The following FRMPD1 variants were observed in gnomAD, a reference collection of about 807,000 sequenced individuals.
FRMPD1 encodes the protein FERM and PDZ domain-containing protein 1.
In FRMPD1, 76 loss-of-function variants were observed where a neutral mutation model predicts 117.8. The ratio of observed to expected loss-of-function variants is 0.65; its 90% CI spans 0.54 to 0.78. The LOEUF (loss-of-function observed/expected upper bound fraction) is 0.78, where lower values mean the gene tolerates loss of function less well. Among genes scored for constraint, FRMPD1 ranks in the 30% least tolerant of loss-of-function variants. The pLI, the probability that FRMPD1 is intolerant of heterozygous loss-of-function variation, is 0.00. For missense variants in FRMPD1, 1,786 were observed against 1,964.5 expected, an observed-to-expected ratio of 0.91 and a Z score of 1.72; for synonymous variants, 783 against 770.4, an observed-to-expected ratio of 1.02 and a Z score of -0.27.
chr9:37,738,316 G>A (rs887736455), intron 14 of FRMPD1, among the ~76,000 whole-genome samples: 23 of 140,076 alleles, frequency 1.6e-4, no homozygotes, highest in African/African-American at 5.6e-4. Context: ...AAAGTGATGA[G>A]TTTGGAGTAT....
chr9:37,704,742 GT>G (rs2118127119), intron 2 of FRMPD1, among the ~76,000 whole-genome samples: 1 of 151,716 alleles, frequency 6.6e-6, no homozygotes, highest in East Asian at 1.9e-4. Flanking sequence ...CGTTATTGCT[GT>G]GATTACCATC....
At chr9:37,648,539 C>T (rs1224756393), upstream of FRMPD1, among the ~76,000 whole-genome samples, 3 of 152,004 alleles carry the variant, frequency 2.0e-5, no homozygotes, top group Non-Finnish European at 4.4e-5. Context: ...AGACTGGAGG[C>T]GGTTACTACA....
At chr9:37,686,800 T>C (rs957024292) in intron 1 of FRMPD1, among the ~76,000 whole-genome samples, 1 of 152,250 alleles carries the variant, frequency 6.6e-6, no homozygotes, top group Non-Finnish European at 1.5e-5. Flanking sequence ...CCTTCAGTCC[T>C]ATGGATATGT....
chr9:37,623,152 G>C, the FRMPD1 span, among the ~76,000 whole-genome samples: 1 of 152,244 alleles, frequency 6.6e-6, no homozygotes, highest in African/African-American at 2.4e-5. Context: ...GTTAGGTGCT[G>C]AGGGGATGCT....
chr9:37,716,865 C>A (rs1193635170), intron 5 of FRMPD1, among the ~76,000 whole-genome samples: 1 of 152,070 alleles, frequency 6.6e-6, no homozygotes, highest in Non-Finnish European at 1.5e-5. Flanking sequence ...TTGACCTTGC[C>A]CCCCAAATTC....
chr9:37,639,238 A>T, the FRMPD1 span, among the ~76,000 whole-genome samples: 1 of 152,212 alleles, frequency 6.6e-6, no homozygotes, highest in South Asian at 2.1e-4. Flanking sequence ...TGCACAAAAA[A>T]AGTGCTTGCT....
At chr9:37,728,404 T>G (rs562963063) in intron 7 of FRMPD1, among the ~76,000 whole-genome samples, 3 of 152,196 alleles carry the variant, frequency 2.0e-5, no homozygotes, top group Admixed American at 2.0e-4. Flanking sequence ...AGAGGTGACA[T>G]TTGGACTGAA....
rs188598232 is a variant in FRMPD1 at position 37,741,223 on chromosome 9, C to T, written c.2356+339C>T. Among the ~76,000 whole-genome samples the T allele has an allele frequency of 8.6e-5, 13 of 152,008 alleles. No individual in the cohort carries two copies. The East Asian group carries it at 2.5e-3, about 30-fold the overall frequency. ...GGCTTGACAGGAGTGCCCGGCAGAG[C>T]GAAGTGGCTATGTCATCACTGATCC... On this transcript the variant is annotated intron_variant, in intron 15 of 15. Coordinates refer to ENST00000377765, the MANE Select transcript of FRMPD1 (RefSeq NM_014907.3).
chr9:37,664,460 C>T lies in FRMPD1; in HGVS notation c.-5+13366C>T, dbSNP rs574946348. Among the ~76,000 whole-genome samples, 9 of 152,204 alleles carry T rather than the reference C, an allele frequency of 5.9e-5. No homozygotes were observed. The South Asian group carries it at 1.9e-3, about 32-fold the overall frequency. On this transcript the variant is annotated intron_variant, in intron 1 of 15. Coordinates refer to ENST00000377765, the MANE Select transcript of FRMPD1 (RefSeq NM_014907.3). ...CATGCATTAGCTATTTGTCCTGATGCTCTCCCTCCCCTTACCCCACCCCCG... is the reference window on the plus strand; with the variant it reads ...CATGCATTAGCTATTTGTCCTGATGTTCTCCCTCCCCTTACCCCACCCCCG...
At chr9:37,685,651 CA>C (rs58838015) in intron 1 of FRMPD1, among the ~76,000 whole-genome samples, 18,086 of 144,350 alleles carry the variant, frequency 0.13, 1,636 homozygotes, top group East Asian at 0.31. Context: ...GACTCCGTCT[CA>C]AAAAAAAAAA....
At chr9:37,695,044 T>C (rs953858395) in intron 2 of FRMPD1, among the ~76,000 whole-genome samples, 24 of 152,214 alleles carry the variant, frequency 1.6e-4, no homozygotes, top group Non-Finnish European at 3.2e-4. Context: ...GATAGATAGA[T>C]AGATATGTCT....
At chr9:37,650,932 C>T (rs1369075977), upstream of FRMPD1, 2 of 150,078 alleles carry the variant, frequency 1.3e-5, no homozygotes, top group Admixed American at 6.6e-5. Context: ...GCCAACCCCT[C>T]CGGCTGCAGC....
At chr9:37,605,682 T>TTTTATTTATTTA in the FRMPD1 span, among the ~76,000 whole-genome samples, 392 of 143,740 alleles carry the variant, frequency 2.7e-3, no homozygotes, top group Middle Eastern at 0.011. Context: ...TCTGGTAGAA[T>TTTTATTTATTTA]TTTATTTATT....
chr9:37,705,230 T>C (rs939699791), intron 2 of FRMPD1, among the ~76,000 whole-genome samples: 42 of 152,218 alleles, frequency 2.8e-4, no homozygotes, highest in Non-Finnish European at 4.4e-5. Context: ...AATAAGGTGG[T>C]ACTTTTCCAT....
rs777775143 is a variant in FRMPD1, at chr9:37,745,188, G to A, written c.3156G>A (p.Leu1052=). 1 of 1,613,940 alleles carries A rather than the reference G, an allele frequency of 6.2e-7. No individual in the cohort carries two copies. Among genetic ancestry groups the A allele is most frequent in the South Asian group, 1.1e-5 (1 of 91,078 alleles). Residue 1052 remains leucine (L), a synonymous_variant, in exon 16 of 16, where the codon TTG becomes TTA. Coordinates refer to ENST00000377765, the MANE Select transcript of FRMPD1 (RefSeq NM_014907.3). ...LELQLEPHVQ[L]EMGLESFCTN... is the part of the protein sequence containing the mutation. ...TCCAGTTGGAGCCCCATGTCCAGTTGGAAATGGGATTGGAATCTTTTTGTA... is the reference window on the plus strand; with the variant it reads ...TCCAGTTGGAGCCCCATGTCCAGTTAGAAATGGGATTGGAATCTTTTTGTA...
chr9:37,697,184 T>C (rs2118068630), intron 2 of FRMPD1, among the ~76,000 whole-genome samples: 1 of 152,292 alleles, frequency 6.6e-6, no homozygotes, highest in Non-Finnish European at 1.5e-5. Flanking sequence ...AGTAAACTGG[T>C]GAGACCTATA....
chr9:37,700,852 G>A (rs1350159224), intron 2 of FRMPD1, among the ~76,000 whole-genome samples: 2 of 152,182 alleles, frequency 1.3e-5, no homozygotes, highest in African/African-American at 4.8e-5. Flanking sequence ...TTTATGGTTT[G>A]AAACGATTAC....
chr9:37,739,555 G>A (rs1381630324), intron 14 of FRMPD1, among the ~76,000 whole-genome samples: 1 of 152,184 alleles, frequency 6.6e-6, no homozygotes, highest in Non-Finnish European at 1.5e-5. Flanking sequence ...CCAGGCTTTA[G>A]AATGGTGCCA....
At chr9:37,734,509 C>T (rs1485848919) in intron 12 of FRMPD1, among the ~76,000 whole-genome samples, 2 of 151,724 alleles carry the variant, frequency 1.3e-5, no homozygotes, top group South Asian at 2.1e-4. Flanking sequence ...GTCAGTGTCT[C>T]GGGGGTATGG....
Sources: allele counts gnomAD v4.1 joint callset (sites outside exome capture counted in the v4.1 genomes callset), GRCh38; gene constraint gnomAD v4.1.1; transcripts MANE v1.5; gene names NCBI Gene and HGNC (gene_info 2026-07-23, HGNC 2026-07-21).